UPF3B: variants seen among roughly 807,000 people sequenced by gnomAD.
UPF3B encodes UPF3B regulator of nonsense mediated mRNA decay.
Under a neutral mutation model 40.3 loss-of-function variants are expected in UPF3B, and 7 were observed. That is an observed-to-expected ratio of 0.17 (90% CI 0.10 to 0.33). The LOEUF (loss-of-function observed/expected upper bound fraction) is 0.33, where lower values mean the gene tolerates loss of function less well. Ranked by LOEUF, UPF3B falls within the 10% of genes least tolerant of loss-of-function variation. The pLI is 1.00. For synonymous variants in UPF3B, 117 were observed against 117.3 expected (o/e 1.00, Z 0.01); for missense variants, 229 against 358.9 (o/e 0.64, Z 2.93).
intron 3 of UPF3B, among the ~76,000 whole-genome samples, chrX:119,826,436 T>A (rs2055980031): frequency 2.7e-5 from 3 of 109,507 alleles, no homozygotes; most frequent in South Asian, 7.9e-4. Context: ...GAGTCGAGAT[T>A]GCCCCACTGC....
intron 3 of UPF3B, among the ~76,000 whole-genome samples, chrX:119,823,556 CTCTTT>C (rs1443763919): frequency 1.2e-4 from 5 of 42,087 alleles, no homozygotes; most frequent in African/African-American, 7.7e-4. Flanking sequence ...TCTTTTTTTC[CTCTTT>C]TTTTTTTTTT....
At chrX:119,838,583 A>G in intron 8 of UPF3B, 56 bp from the exon 9 acceptor site, 2 of 1,120,960 alleles carry the variant, frequency 1.8e-6, no homozygotes, top group Non-Finnish European at 2.4e-6. Context: ...ATCTTCTATT[A>G]AAAACCCAGT....
chrX:119,820,234 C>T (rs2055902265), intron 4 of UPF3B, among the ~76,000 whole-genome samples: 1 of 111,763 alleles, frequency 8.9e-6, no homozygotes, highest in South Asian at 3.7e-4. Context: ...ACCTCTGCCT[C>T]CCGAGTTGAA....
At chrX:119,846,591 A>G (rs10218298) in intron 3 of UPF3B, among the ~76,000 whole-genome samples, 4,462 of 108,113 alleles carry the variant, frequency 0.041, 260 homozygotes, top group African/African-American at 0.14. Context: ...TTATTTGTCA[A>G]TTATAGCTCA....
intron 5 of UPF3B, among the ~76,000 whole-genome samples, chrX:119,812,464 A>G (rs1314561436): frequency 9.0e-6 from 1 of 111,129 alleles, no homozygotes; most frequent in Non-Finnish European, 1.9e-5. Flanking sequence ...CCATAATTCT[A>G]GGGCATCAGT....
At chrX:119,836,449 T>TA (rs1491490339) in intron 10 of UPF3B, among the ~76,000 whole-genome samples, 1 of 111,379 alleles carries the variant, frequency 9.0e-6, no homozygotes, top group Non-Finnish European at 1.9e-5. Context: ...GAATTATTGT[T>TA]AGTTTTTTTT....
chrX:119,814,372 A>G (rs1270217848), intron 5 of UPF3B, among the ~76,000 whole-genome samples: 3 of 112,468 alleles, frequency 2.7e-5, no homozygotes, highest in Non-Finnish European at 5.6e-5. Context: ...CAAATAAAAA[A>G]CTAAAACTAA....
chrX:119,828,048 T>C (rs948181468), intron 3 of UPF3B, among the ~76,000 whole-genome samples: 4 of 108,406 alleles, frequency 3.7e-5, no homozygotes, highest in African/African-American at 1.3e-4. Context: ...TTTTTTTTCT[T>C]TTTTCAGGTT....
intron 5 of UPF3B, among the ~76,000 whole-genome samples, chrX:119,812,614 TC>T (rs2055835220): frequency 1.8e-5 from 2 of 111,741 alleles, no homozygotes; most frequent in Non-Finnish European, 3.8e-5. Context: ...CTGGTTTTTC[TC>T]CTACTCTCTG....
chrX:119,818,618 T>C (rs781257369), intron 4 of UPF3B, among the ~76,000 whole-genome samples: 4 of 111,910 alleles, frequency 3.6e-5, no homozygotes, highest in African/African-American at 1.3e-4. Flanking sequence ...GACATCACAA[T>C]TGGTTCAGCT....
intron 9 of UPF3B, 53 bp downstream of exon 9, chrX:119,838,314 A>C: frequency 8.5e-7 from 1 of 1,175,234 alleles, no homozygotes; most frequent in East Asian, 3.0e-5. Flanking sequence ...AGGACATAGC[A>C]GCAAAACTAG....
intron 3 of UPF3B, among the ~76,000 whole-genome samples, chrX:119,823,570 T>C (rs1480476217): frequency 1.0e-5 from 1 of 98,188 alleles, no homozygotes; most frequent in African/African-American, 3.8e-5. Context: ...TTTTTTTTTT[T>C]TTTTTTTGTC....
In UPF3B at chrX:119,838,039, C is replaced by A. The variant is rs779199297; in HGVS notation, c.1020G>T (p.Glu340Asp). Residue 340 changes from glutamate (E) to aspartate (D), a missense_variant, in exon 10 of 11, where the codon GAG becomes GAT. Physicochemically the swap from Glu to Asp is conservative, Grantham distance 45. Coordinates refer to ENST00000276201, the MANE Select transcript of UPF3B (RefSeq NM_080632.3). Reference sequence around the variant, plus strand: ...CCCTCTCCCTATAGTCTCTGCCGCTCTCATCTTCAGGTCTGCATGAAAAAC... The same window carrying A: ...CCCTCTCCCTATAGTCTCTGCCGCTATCATCTTCAGGTCTGCATGAAAAAC... Reference protein sequence around the residue: ...KDEKPKRPEDESGRDYRERER... With the variant: ...KDEKPKRPEDDSGRDYRERER... 1 of 1,211,045 alleles carries A rather than the reference C, an allele frequency of 8.3e-7. No homozygotes were observed.
chrX:119,850,410 C>T lies in UPF3B; in HGVS notation c.370+1085G>A, dbSNP rs372696563. On this transcript the variant is annotated intron_variant, in intron 3 of 10. Coordinates refer to ENST00000276201, the MANE Select transcript of UPF3B (RefSeq NM_080632.3). ...AAGTAACTAGAATCTAGTTAAATATCTACTGGAATAAAATAGTTGGAGTGG... is the reference window on the plus strand; with the variant it reads ...AAGTAACTAGAATCTAGTTAAATATTTACTGGAATAAAATAGTTGGAGTGG... Among the ~76,000 whole-genome samples, 55 of 111,798 alleles carry T rather than the reference C, an allele frequency of 4.9e-4. 1 individual carries two copies. In the South Asian group the frequency reaches 0.012, roughly 24 times the overall value.
chrX:119,821,659 G>A (rs2055920315), intron 4 of UPF3B, among the ~76,000 whole-genome samples: 1 of 110,609 alleles, frequency 9.0e-6, no homozygotes, highest in African/African-American at 3.3e-5. Flanking sequence ...TTAACCAGGC[G>A]CGGTGGCAGG....
At chrX:119,812,000 T>C (rs2055831190) in intron 5 of UPF3B, among the ~76,000 whole-genome samples, 1 of 111,102 alleles carries the variant, frequency 9.0e-6, no homozygotes, top group Non-Finnish European at 1.9e-5. Flanking sequence ...ATGCCTGTAA[T>C]CTCAGCCCAT....
chrX:119,809,860 A>G (rs939718493), intron 5 of UPF3B, among the ~76,000 whole-genome samples: 1 of 112,184 alleles, frequency 8.9e-6, no homozygotes, highest in Non-Finnish European at 1.9e-5. Context: ...GAATTCTGCT[A>G]AAATTGAAGG....
chrX:119,822,949 C>T, exon 4 of UPF3B: 1 of 920,806 alleles, frequency 1.1e-6, no homozygotes, highest in Non-Finnish European at 1.4e-6. Context: ...TTCCTGCTTT[C>T]TTTCTACTGC....
chrX:119,852,664 G>T, intron 1 of UPF3B, 109 bp downstream of exon 1: 1 of 1,102,461 alleles, frequency 9.1e-7, no homozygotes, highest in Non-Finnish European at 1.2e-6. Flanking sequence ...TTCAGGCGAA[G>T]AGATAGAAGG....
Sources: allele counts gnomAD v4.1 joint callset (sites outside exome capture counted in the v4.1 genomes callset), GRCh38; gene constraint gnomAD v4.1.1; transcripts MANE v1.5; gene names NCBI Gene and HGNC (gene_info 2026-07-23, HGNC 2026-07-21).